The following RAB11FIP3 variants were observed in gnomAD, a reference collection of about 807,000 sequenced individuals.
The protein encoded by RAB11FIP3 is rab11 family-interacting protein 3.
In RAB11FIP3, 17 loss-of-function variants were observed where a neutral mutation model predicts 77.8. That is an observed-to-expected ratio of 0.22 (90% CI 0.15 to 0.33). RAB11FIP3 has a LOEUF of 0.33. Among genes scored for constraint, RAB11FIP3 ranks in the 10% least tolerant of loss-of-function variants. The pLI is 1.00. For synonymous variants in RAB11FIP3, 437 were observed against 448.2 expected, an observed-to-expected ratio of 0.98 and a Z score of 0.31; for missense variants, 1,005 against 1,011.2, an observed-to-expected ratio of 0.99 and a Z score of 0.08.
intron 1 of RAB11FIP3, among the ~76,000 whole-genome samples, chr16:438,140 C>T (rs531905852): frequency 6.6e-6 from 1 of 151,912 alleles, no homozygotes; most frequent in African/African-American, 2.4e-5. Context: ...TGGAGTCTTC[C>T]TCTGTCACCC....
intron 1 of RAB11FIP3, among the ~76,000 whole-genome samples, chr16:458,980 C>G (rs188676686): frequency 7.4e-4 from 113 of 152,282 alleles, no homozygotes; most frequent in African/African-American, 2.6e-3. Flanking sequence ...ACATCTGTGC[C>G]TCACCCCAGA....
Position 507,983 on chromosome 16 carries a change from C to G in RAB11FIP3, c.1499+2356C>G, listed in dbSNP as rs928728038. Among the ~76,000 whole-genome samples the G allele has an allele frequency of 1.1e-4, 16 of 152,248 alleles. No individual in the cohort carries two copies. The highest frequency in any genetic ancestry group is 9.8e-4 in the Admixed American group (15 of 15,280). ...CCGTACAGCTGCCATCCTAGGAATT[C>G]CGAGTGCTTTCTCCTGTGTTTGATT... On this transcript the variant is annotated intron_variant, in intron 8 of 13. Transcript: ENST00000262305. The surrounding 1 kb of genome is among the most constrained non-coding windows in gnomAD (Gnocchi z 4.6).
At chr16:517,657 G>A (rs1298332075) in intron 9 of RAB11FIP3, among the ~76,000 whole-genome samples, 1 of 152,220 alleles carries the variant, frequency 6.6e-6, no homozygotes, top group African/African-American at 2.4e-5. Context: ...AGTGTGGTCT[G>A]CAGAGTGTCC....
Position 520,557 on chromosome 16 carries a change from T to G in RAB11FIP3, c.2115T>G (p.Ser705=), listed in dbSNP as rs11537754. 13 of 1,613,394 alleles carry G rather than the reference T, an allele frequency of 8.1e-6. No homozygotes were observed. In the African/African-American group the frequency reaches 1.7e-4, roughly 22 times the overall value. ...AGAGCCTCTTCTCCACAGCCTTCTC[T>G]GAGTCCCTGGCTGCAGAGATCAGCT... ...GAKSLFSTAF[S]ESLAAEISSV... The change falls in exon 13 of 14, where the codon TCT becomes TCG. Residue 705 remains serine, a synonymous_variant. Transcript: ENST00000262305.
rs1239322487 is a variant in RAB11FIP3, at chr16:507,500, G to GC, written c.1499+1879dup. ...GGCCTCAAGCGATCCTCCCACCTTG[G>GC]CCCCCCAAAGTGCTGAAATCAGAGG... On this transcript the variant is annotated intron_variant, in intron 8 of 13. Transcript: ENST00000262305. This position sits in a 1 kb window ranked among gnomAD's most constrained non-coding sequence, Gnocchi z 4.6. 5.3e-5 allele frequency among the ~76,000 whole-genome samples: 8 copies of GC among 152,298 alleles called. No homozygotes were observed. Among genetic ancestry groups the GC allele is most frequent in the Non-Finnish European group, 1.0e-4 (7 of 68,022 alleles).
chr16:440,041 T>C (rs113764341), intron 1 of RAB11FIP3, among the ~76,000 whole-genome samples: 82 of 152,102 alleles, frequency 5.4e-4, no homozygotes, highest in African/African-American at 1.6e-3. Context: ...GGGGTTTCAC[T>C]GTGTTAGCCA....
At chr16:430,965 C>A (rs1185633165) in intron 1 of RAB11FIP3, among the ~76,000 whole-genome samples, 1 of 152,260 alleles carries the variant, frequency 6.6e-6, no homozygotes, top group Non-Finnish European at 1.5e-5. Flanking sequence ...TCTGGGATTG[C>A]AGGCATGAGC....
rs138733084 is a variant in RAB11FIP3, at chr16:503,013, C to T, written c.1311C>T (p.His437=). The T allele has an allele frequency of 6.2e-7, 1 of 1,611,676 alleles. No individual in the cohort carries two copies. Among genetic ancestry groups the T allele is most frequent in the East Asian group, 2.2e-5 (1 of 44,858 alleles). ...LSSKKVARYL[H]QSGALTMEAL... ...TGTGCCTTTTCTGTAGGTACCTGCA[C>T]CAGTCAGGGGCCCTGACCATGGAGG... Residue 437 remains histidine, a synonymous_variant, in exon 7 of 14, where the codon CAC becomes CAT. Transcript: ENST00000262305.
At chr16:492,445 CCCAGGGCCCTTCCCGGGGAGACCCGAGG>C (rs2030541275) in intron 5 of RAB11FIP3, among the ~76,000 whole-genome samples, 6 of 85,428 alleles carry the variant, frequency 7.0e-5, no homozygotes, top group African/African-American at 4.8e-4. Flanking sequence ...CCCGAGGCCG[CCCAGGGCCCTTCCCGGGGAGACCCGAGG>C]CCGCCCAGGG....
chr16:515,963 G>A (rs114363201), intron 9 of RAB11FIP3, among the ~76,000 whole-genome samples: 3,541 of 152,264 alleles, frequency 0.023, 132 homozygotes, highest in African/African-American at 0.078. Context: ...TGGCACCACC[G>A]AGCGCCCGGG....
intron 5 of RAB11FIP3, among the ~76,000 whole-genome samples, chr16:492,383 CCCAGAGCCCTCCCCGGGAGACCCGAGG>C (rs2030428656): frequency 4.0e-5 from 4 of 100,190 alleles, no homozygotes; most frequent in Admixed American, 1.9e-4. Flanking sequence ...CCCGAGGCCG[CCCAGAGCCCTCCCCGGGAGACCCGAGG>C]CCGCCCAGGG....
chr16:490,933 C>G (rs1044906452), intron 5 of RAB11FIP3, among the ~76,000 whole-genome samples: 1 of 152,204 alleles, frequency 6.6e-6, no homozygotes, highest in South Asian at 2.1e-4. Flanking sequence ...GGTGCCTGTC[C>G]TGGGCTCCTG....
At chr16:508,854 T>G (rs2031998043) in intron 8 of RAB11FIP3, among the ~76,000 whole-genome samples, 1 of 152,154 alleles carries the variant, frequency 6.6e-6, no homozygotes, top group South Asian at 2.1e-4. Context: ...TATCTTTCTG[T>G]TCTTTTTTTC....
chr16:444,049 G>A (rs148555622), intron 1 of RAB11FIP3, among the ~76,000 whole-genome samples: 2 of 152,260 alleles, frequency 1.3e-5, no homozygotes, highest in East Asian at 3.9e-4. Flanking sequence ...GTTCTTGTGC[G>A]TGTCTGTGTT....
At position 461,005 on chromosome 16, in the gene RAB11FIP3, C is replaced by T. The variant is rs981286393; in HGVS notation, c.715-399C>T. Among the ~76,000 whole-genome samples the T allele has an allele frequency of 1.3e-5, 2 of 152,220 alleles. No individual in the cohort carries two copies. Among genetic ancestry groups the T allele is most frequent in the Non-Finnish European group, 1.5e-5 (1 of 68,036 alleles). The stretch of plus-strand genomic sequence containing the variant: ...TTGCATGTGGTGAAAAAGCCAAGCT[C>T]GCGATACAGCCTAATCCCGATTCCC... On this transcript the variant is annotated intron_variant, in intron 1 of 13. Transcript: ENST00000262305. This position sits in a 1 kb window ranked among gnomAD's most constrained non-coding sequence, Gnocchi z 4.5.
At chr16:500,355 G>A (rs1044262208) in intron 6 of RAB11FIP3, among the ~76,000 whole-genome samples, 1 of 152,124 alleles carries the variant, frequency 6.6e-6, no homozygotes, top group African/African-American at 2.4e-5. Context: ...AGGGTGTGGT[G>A]TAGCTGGAGA....
chr16:462,727 C>T (rs1187056250), intron 2 of RAB11FIP3, among the ~76,000 whole-genome samples: 2 of 145,606 alleles, frequency 1.4e-5, no homozygotes, highest in Non-Finnish European at 3.0e-5. Context: ...CAGTCCCTTC[C>T]CCAGCACCAT....
At chr16:493,377 T>G (rs1486124885) in intron 5 of RAB11FIP3, among the ~76,000 whole-genome samples, 2 of 152,156 alleles carry the variant, frequency 1.3e-5, no homozygotes, top group African/African-American at 4.8e-5. Flanking sequence ...GATCTGAATC[T>G]TGCGTTTTAG....
intron 9 of RAB11FIP3, among the ~76,000 whole-genome samples, chr16:512,033 G>A (rs556611776): frequency 3.3e-4 from 49 of 149,792 alleles, no homozygotes; most frequent in Non-Finnish European, 5.0e-4. Flanking sequence ...CCGACAGCCC[G>A]CCCACCCCAG....
Sources: gnomAD v4.1 joint callset for allele counts (sites outside exome capture counted in the v4.1 genomes callset) on GRCh38, gnomAD v4.1.1 for gene constraint, Gnocchi (gnomAD v3.1) non-coding constraint, MANE v1.5 for transcripts, NCBI Gene and HGNC (gene_info 2026-07-23, HGNC 2026-07-21) for gene names.